HAP1: variants seen among roughly 807,000 people sequenced by gnomAD.
The protein encoded by HAP1 is huntingtin-associated protein 1.
Under a neutral mutation model 60.3 loss-of-function variants are expected in HAP1, and 59 were observed. The observed-to-expected ratio is 0.98, with a 90% CI of 0.79 to 1.22. The LOEUF (loss-of-function observed/expected upper bound fraction) is 1.22, where lower values mean the gene tolerates loss of function less well. Among genes scored for constraint, HAP1 ranks in the 50% most tolerant of loss-of-function variants. HAP1 has a pLI of 0.00. For missense variants in HAP1, 825 were observed against 785.3 expected, an observed-to-expected ratio of 1.05 and a Z score of -0.60; for synonymous variants, 346 against 330.6, an observed-to-expected ratio of 1.05 and a Z score of -0.50.
At chr17:41,729,691 C>T (rs1911987941) in intron 6 of HAP1, among the ~76,000 whole-genome samples, 1 of 148,418 alleles carries the variant, frequency 6.7e-6, no homozygotes, top group South Asian at 2.1e-4. Flanking sequence ...ACCTGGCCAA[C>T]ATGGTGAAAC....
In HAP1 at chr17:41,731,407, G is replaced by T. The variant is rs546653981; in HGVS notation, c.1069+86C>A. On this transcript the variant is annotated intron_variant, in intron 6 of 10. Transcript: ENST00000347901. ...GCTAGGAGTGCCAGATCTGGGACTT[G>T]AACTTGGATCTCCATACTCCACATC... 3.0e-4 allele frequency: 281 copies of T among 926,482 alleles called. No homozygotes were observed. The Middle Eastern group carries it at 8.2e-3, about 27-fold the overall frequency. The allele number at this position is 926,482 out of a possible 1,614,324, so 57.4% of individuals were successfully genotyped here.
chr17:41,725,620 TAGTC>T (rs1911569296), intron 10 of HAP1, among the ~76,000 whole-genome samples: 1 of 152,102 alleles, frequency 6.6e-6, no homozygotes. Flanking sequence ...TCTCAGCCCA[TAGTC>T]AGTTGAAAAG....
At chr17:41,727,889 C>T (rs936835936) in intron 7 of HAP1, 53 bp from the exon 8 acceptor site, 5 of 1,102,484 alleles carry the variant, frequency 4.5e-6, no homozygotes, top group Middle Eastern at 2.0e-4. Context: ...CCACTCAGGG[C>T]ACCCCCTGCT....
chr17:41,730,311 A>T (rs1912093833), intron 6 of HAP1: 1 of 151,328 alleles, frequency 6.6e-6, no homozygotes, highest in Admixed American at 6.6e-5. Context: ...CTGTCGGCAT[A>T]GTGTACTACA....
In HAP1 at chr17:41,732,281, C is replaced by A; in HGVS notation, c.663G>T (p.Leu221Phe). ...GQSLVKQNSV[L>F]MEENSKLEAL... ...CTTCCAGCTTGCTGTTCTCCTCCAT[C>A]AAAACACTGTTCTGTTTCACCAGGG... is the stretch of plus-strand genomic sequence containing the variant. Residue 221 changes from leucine to phenylalanine, a missense_variant, in exon 3 of 11, where the codon TTG (leucine) becomes TTT (phenylalanine). Coordinates refer to ENST00000347901, the MANE Select transcript of HAP1 (RefSeq NM_177977.3). 1 of 1,614,136 alleles carries A rather than the reference C, an allele frequency of 6.2e-7. No individual in the cohort carries two copies. Among genetic ancestry groups the A allele is most frequent in the African/African-American group, 1.3e-5 (1 of 75,018 alleles).
At chr17:41,726,703 A>G (rs1911662866) in intron 9 of HAP1, among the ~76,000 whole-genome samples, 1 of 151,982 alleles carries the variant, frequency 6.6e-6, no homozygotes, top group African/African-American at 2.4e-5. Context: ...TCTCTACTAA[A>G]AATACAAAAA....
At chr17:41,718,431 C>T (rs1911068449), downstream of HAP1, among the ~76,000 whole-genome samples, 1 of 152,124 alleles carries the variant, frequency 6.6e-6, no homozygotes, top group Non-Finnish European at 1.5e-5. Context: ...GCTTCTCCTG[C>T]CCCCCTGGGC....
At chr17:41,731,264 A>G (rs914826838) in intron 6 of HAP1, among the ~76,000 whole-genome samples, 6 of 152,154 alleles carry the variant, frequency 3.9e-5, no homozygotes, top group Admixed American at 6.5e-5. Context: ...GTACTTCCTC[A>G]GCTGTTGACA....
At position 41,724,763 on chromosome 17, in the gene HAP1, C is replaced by A. The variant is rs1018646921; in HGVS notation, c.1798G>T (p.Glu600Ter). 1.9e-6 allele frequency: 3 copies of A among 1,606,188 alleles called. No individual in the cohort carries two copies. The highest frequency in any genetic ancestry group is 1.7e-6 in the Non-Finnish European group (2 of 1,174,182). ...QLRWKMLQKG[E>*]CPHGALPAAS... ...GCAGGGAGGGCCCCGTGGGGGCACT[C>A]ACCTTTCTGGAGCATCTTCCACCTC... Residue 600 changes from glutamate to a stop codon, truncating the protein, a stop_gained, in exon 11 of 11, where the codon GAG (glutamate) becomes TAG (stop). Transcript: ENST00000347901. LOFTEE classifies it low-confidence loss of function (END_TRUNC).
intron 6 of HAP1, 83 bp from the exon 7 acceptor site, chr17:41,728,414 C>T: frequency 1.5e-6 from 2 of 1,339,816 alleles, no homozygotes; most frequent in Non-Finnish European, 2.1e-6. Context: ...CCTCTGTCTC[C>T]CCCACCCTCG....
intron 6 of HAP1, among the ~76,000 whole-genome samples, chr17:41,730,953 C>G (rs1912148156): frequency 6.6e-6 from 1 of 151,624 alleles, no homozygotes; most frequent in Non-Finnish European, 1.5e-5. Context: ...CTCTGTCGCC[C>G]AGGCTGGGGT....
rs1555591946 is a variant in HAP1 at position 41,734,220 on chromosome 17, G to A, written c.415C>T (p.Arg139Ter). The change falls in exon 1 of 11, where the codon CGA (arginine) becomes TGA (stop). Residue 139 changes from arginine (R) to a stop codon, truncating the protein, a stop_gained. Coordinates refer to ENST00000347901, the MANE Select transcript of HAP1 (RefSeq NM_177977.3). LOFTEE classifies it high-confidence loss of function. Reference sequence around the variant, plus strand: ...CGCTCAGGGCCGGACACCCCGGGTCGCCGGCCAACGTAGGCGGCTGGCGTC... The same window carrying A: ...CGCTCAGGGCCGGACACCCCGGGTCACCGGCCAACGTAGGCGGCTGGCGTC... ...WKTPAAYVGR[R>*]PGVSGPERAA... 6.3e-7 allele frequency: 1 copy of A among 1,598,942 alleles called. No homozygotes were observed. The highest frequency in any genetic ancestry group is 8.6e-7 in the Non-Finnish European group (1 of 1,169,256).
Position 41,732,101 on chromosome 17 carries a change from G to T in HAP1, c.732C>A (p.His244Gln). ...GGAGCTCATCCCGCAAGTTCACCTGGTGTCTGAGGTATAAAATCTGGCAGG... is the reference window on the plus strand; with the variant it reads ...GGAGCTCATCCCGCAAGTTCACCTGTTGTCTGAGGTATAAAATCTGGCAGG... ...SAKEEILYLRHQVNLRDELLQ... is the reference protein window; with the variant it reads ...SAKEEILYLRQQVNLRDELLQ... The change falls in exon 4 of 11, where the codon CAC (histidine) becomes CAA (glutamine). Residue 244 changes from histidine (H) to glutamine (Q), a missense_variant. Coordinates refer to ENST00000347901, the MANE Select transcript of HAP1 (RefSeq NM_177977.3). The T allele has an allele frequency of 6.2e-7, 1 of 1,613,888 alleles. No homozygotes were observed. Among genetic ancestry groups the T allele is most frequent in the South Asian group, 1.1e-5 (1 of 91,056 alleles).
intron 1 of HAP1, among the ~76,000 whole-genome samples, chr17:41,733,550 A>G (rs73983629): frequency 0.012 from 1,765 of 151,530 alleles, 28 homozygotes; most frequent in African/African-American, 0.039. Flanking sequence ...CCTGGGTCAT[A>G]CAAACAGACG....
chr17:41,724,614 GAT>G lies in HAP1; in HGVS notation c.*85_*86del. The G allele has an allele frequency of 1.1e-6, 1 of 922,248 alleles. No homozygotes were observed. Among genetic ancestry groups the G allele is most frequent in the Non-Finnish European group, 1.7e-6 (1 of 592,242 alleles). 57.1% of individuals were successfully genotyped at this position (922,248 alleles called of 1,614,324 possible). A position where few individuals can be genotyped will look rare whatever the true frequency, so the allele number is the denominator to read the frequency against. Reference sequence around the variant, plus strand: ...GGGGATCAGAGGTGTCTATGCAAATGATATGCAAAGTCCATGCAAATAAGCAC... The same window carrying G: ...GGGGATCAGAGGTGTCTATGCAAATGATGCAAAGTCCATGCAAATAAGCAC... On this transcript the variant is annotated 3_prime_UTR_variant, in exon 11 of 11. Coordinates refer to ENST00000347901, the MANE Select transcript of HAP1 (RefSeq NM_177977.3).
chr17:41,727,940 G>A (rs914152622), intron 7 of HAP1, 104 bp from the exon 8 acceptor site: 4 of 764,458 alleles, frequency 5.2e-6, no homozygotes, highest in Non-Finnish European at 8.8e-6. Flanking sequence ...GTCCTTGGCA[G>A]CCCATGAAAT....
chr17:41,720,361 A>G (rs1911150687), downstream of HAP1, among the ~76,000 whole-genome samples: 1 of 150,994 alleles, frequency 6.6e-6, no homozygotes, highest in East Asian at 2.0e-4. Context: ...ACACCTGGCT[A>G]ATTTTGTATT....
At position 41,726,222 on chromosome 17, in the gene HAP1, G is replaced by A. The variant is rs1911613517; in HGVS notation, c.1368-325C>T. 2.6e-5 allele frequency among the ~76,000 whole-genome samples: 4 copies of A among 152,076 alleles called. No individual in the cohort carries two copies. The South Asian group carries it at 6.2e-4, about 24-fold the overall frequency. ...AAGGTCAGGAGTTCAAGACTAGCCTGGCCAACATCTCTACTGGCCCATCTC... is the reference window on the plus strand; with the variant it reads ...AAGGTCAGGAGTTCAAGACTAGCCTAGCCAACATCTCTACTGGCCCATCTC... On this transcript the variant is annotated intron_variant, in intron 9 of 10. Coordinates refer to ENST00000347901, the MANE Select transcript of HAP1 (RefSeq NM_177977.3).
At position 41,733,240 on chromosome 17, in the gene HAP1, C is replaced by T. The variant is rs746105600; in HGVS notation, c.470-442G>A. 3.3e-4 allele frequency among the ~76,000 whole-genome samples: 50 copies of T among 150,098 alleles called. 1 individual carries two copies. Among genetic ancestry groups the T allele is most frequent in the Non-Finnish European group, 5.2e-4 (35 of 67,540 alleles). ...CTTATTTTTGTATTTTTAGTAGAGA[C>T]GGGGTTTCACCATGTTGGCCAGGCT... is the stretch of plus-strand genomic sequence containing the variant. On this transcript the variant is annotated intron_variant, in intron 1 of 10. Coordinates refer to ENST00000347901, the MANE Select transcript of HAP1 (RefSeq NM_177977.3).
Sources: allele counts gnomAD v4.1 joint callset (sites outside exome capture counted in the v4.1 genomes callset), GRCh38; gene constraint gnomAD v4.1.1; transcripts MANE v1.5; gene names NCBI Gene and HGNC (gene_info 2026-07-23, HGNC 2026-07-21).